PRIM2: variants seen among roughly 807,000 people sequenced by gnomAD.
The protein encoded by PRIM2 is DNA primase subunit 2.
PRIM2 carries 39 observed loss-of-function variants against 67.3 expected under a neutral mutation model. The observed-to-expected ratio is 0.58, with a 90% confidence interval of 0.45 to 0.76. The LOEUF (loss-of-function observed/expected upper bound fraction) is 0.76, where lower values mean the gene tolerates loss of function less well. Ranked by LOEUF, PRIM2 falls within the 30% of genes least tolerant of loss-of-function variation. The pLI, the probability that PRIM2 is intolerant of heterozygous loss-of-function variation, is 0.00. For missense variants in PRIM2, 398 were observed against 598.7 expected, an observed-to-expected ratio of 0.66 and a Z score of 3.50; for synonymous variants, 143 against 198.7, an observed-to-expected ratio of 0.72 and a Z score of 2.36.
At chr6:57,330,384 T>TTTTTTTTTTTTTTTTTTTTTTTTTTTG (rs1562696759) in intron 5 of PRIM2, among the ~76,000 whole-genome samples, 3 of 35,142 alleles carry the variant, frequency 8.5e-5, no homozygotes, top group African/African-American at 2.5e-4. Flanking sequence ...TGTTTTTTTG[T>TTTTTTTTTTTTTTTTTTTTTTTTTTTG]TTTTTTTTTT....
intron 7 of PRIM2, among the ~76,000 whole-genome samples, chr6:57,467,667 G>A (rs1401860563): frequency 1.3e-4 from 20 of 152,134 alleles, no homozygotes; most frequent in African/African-American, 3.1e-4. Context: ...TGTGAAGAAC[G>A]TAAACGGTAG....
At chr6:57,310,595 G>A (rs984351510), upstream of PRIM2, among the ~76,000 whole-genome samples, 6 of 152,190 alleles carry the variant, frequency 3.9e-5, no homozygotes, top group Non-Finnish European at 7.3e-5. Flanking sequence ...CTTCCCAGAT[G>A]GGGCGGCCGG....
At chr6:57,282,921 T>C in the PRIM2 span, among the ~76,000 whole-genome samples, 50 of 152,310 alleles carry the variant, frequency 3.3e-4, no homozygotes, top group African/African-American at 1.1e-3. Context: ...ACTTTCCCAA[T>C]ACACCTCCAC....
intron 8 of PRIM2, among the ~76,000 whole-genome samples, chr6:57,514,708 A>C (rs1774445700): frequency 6.6e-6 from 1 of 152,082 alleles, no homozygotes; most frequent in Admixed American, 6.6e-5. Context: ...ATACTTGTGA[A>C]TAGTCAGCAT....
intron 10 of PRIM2, among the ~76,000 whole-genome samples, chr6:57,545,858 A>G (rs1428278374): frequency 6.6e-6 from 1 of 152,222 alleles, no homozygotes; most frequent in Non-Finnish European, 1.5e-5. Context: ...AAAGGACCTT[A>G]AAGTGTAGTC....
chr6:57,240,456 G>T, the PRIM2 span, among the ~76,000 whole-genome samples: 1 of 152,172 alleles, frequency 6.6e-6, no homozygotes, highest in African/African-American at 2.4e-5. Flanking sequence ...ACCACGAGCA[G>T]CTTGCATTCA....
chr6:57,474,381 A>T (rs1773422160), intron 7 of PRIM2, among the ~76,000 whole-genome samples: 1 of 151,848 alleles, frequency 6.6e-6, no homozygotes, highest in South Asian at 2.1e-4. Context: ...TCACCTTGTT[A>T]GCCAGGATGG....
chr6:57,561,695 A>G (rs1371024112), intron 10 of PRIM2, among the ~76,000 whole-genome samples: 1 of 152,170 alleles, frequency 6.6e-6, no homozygotes, highest in African/African-American at 2.4e-5. Context: ...CATCAGCACT[A>G]AGCCTGTATT....
chr6:57,417,589 A>T (rs1186700435), intron 7 of PRIM2, among the ~76,000 whole-genome samples: 2 of 152,220 alleles, frequency 1.3e-5, no homozygotes, highest in Admixed American at 1.3e-4. Flanking sequence ...GGAAATAGCC[A>T]CAAGACACAC....
At chr6:57,372,430 T>C (rs1769595234) in intron 5 of PRIM2, among the ~76,000 whole-genome samples, 1 of 152,238 alleles carries the variant, frequency 6.6e-6, no homozygotes, top group Non-Finnish European at 1.5e-5. Flanking sequence ...TGAGATAGTA[T>C]AAGTAAAATA....
intron 7 of PRIM2, among the ~76,000 whole-genome samples, chr6:57,393,434 G>A (rs1230578189): frequency 6.6e-6 from 1 of 152,014 alleles, no homozygotes; most frequent in East Asian, 1.9e-4. Context: ...TCATATGTTT[G>A]CCGGCCATTT....
At chr6:57,312,868 A>T (rs12664535), upstream of PRIM2, among the ~76,000 whole-genome samples, 61,596 of 151,980 alleles carry the variant, frequency 0.41, 13,341 homozygotes, top group South Asian at 0.55. Context: ...TTGATTTTTT[A>T]TATAGTAGGA....
Position 57,542,939 on chromosome 6 carries a change from A to ATTTTTT in PRIM2, c.1020+5328_1020+5333dup, listed in dbSNP as rs1193756482. On this transcript the variant is annotated intron_variant, in intron 10 of 13. Coordinates refer to ENST00000615550, the MANE Select transcript of PRIM2 (RefSeq NM_000947.5). ...GTTGGCTTAAAATACTGCTTATAGG[A>ATTTTTT]TTTTTTTTTTTTTTTTTTTGAGACG... 1.7e-3 allele frequency among the ~76,000 whole-genome samples: 125 copies of ATTTTTT among 71,894 alleles called. 21 individuals carry two copies. The highest frequency in any genetic ancestry group is 3.0e-3 in the African/African-American group (44 of 14,776). The allele number at this position is 71,894 out of a possible 152,430, so 47.2% of individuals were successfully genotyped here. A position where few individuals can be genotyped will look rare whatever the true frequency, so the allele number is the denominator to read the frequency against.
At chr6:57,414,428 A>G (rs1419597384) in intron 7 of PRIM2, among the ~76,000 whole-genome samples, 1 of 152,184 alleles carries the variant, frequency 6.6e-6, no homozygotes, top group Non-Finnish European at 1.5e-5. Context: ...AAGGATAAAT[A>G]TTAAGTATAA....
chr6:57,543,256 G>T (rs1309839857), intron 10 of PRIM2, among the ~76,000 whole-genome samples: 1 of 152,112 alleles, frequency 6.6e-6, no homozygotes, highest in Non-Finnish European at 1.5e-5. Flanking sequence ...TTTTTAGGAT[G>T]ATTATAGAAG....
At chr6:57,271,484 C>T in the PRIM2 span, among the ~76,000 whole-genome samples, 1 of 151,974 alleles carries the variant, frequency 6.6e-6, no homozygotes, top group African/African-American at 2.4e-5. Flanking sequence ...ATCCCCTTTA[C>T]CATTTTGTAT....
intron 12 of PRIM2, among the ~76,000 whole-genome samples, chr6:57,609,094 G>T (rs1403734235): frequency 6.6e-6 from 1 of 152,158 alleles, no homozygotes; most frequent in African/African-American, 2.4e-5. Flanking sequence ...ACACTTGTTA[G>T]GTGCTTTAAA....
rs1401141364 is a variant in PRIM2, at chr6:57,482,137, T to C, written c.694-25250T>C. 4.0e-5 allele frequency among the ~76,000 whole-genome samples: 6 copies of C among 149,044 alleles called. No homozygotes were observed. In the East Asian group the frequency reaches 9.8e-4, roughly 24 times the overall value. On this transcript the variant is annotated intron_variant, in intron 7 of 13. Transcript: ENST00000615550. ...GCCTGGTGACCAAAGGGTCAAGATA[T>C]TGTTGACAAAAATAATTTGGATTTT...
chr6:57,261,968 T>C, the PRIM2 span, among the ~76,000 whole-genome samples: 1 of 152,212 alleles, frequency 6.6e-6, no homozygotes, highest in Non-Finnish European at 1.5e-5. Flanking sequence ...GTATCTTTGT[T>C]AAAGTCCCTT....
Sources: gnomAD v4.1 joint callset for allele counts (sites outside exome capture counted in the v4.1 genomes callset) on GRCh38, gnomAD v4.1.1 for gene constraint, MANE v1.5 for transcripts, NCBI Gene and HGNC (gene_info 2026-07-23, HGNC 2026-07-21) for gene names.